Variants in MRTFB observed in about 807,000 individuals in gnomAD.
MRTFB encodes myocardin related transcription factor B.
MRTFB carries 29 observed loss-of-function variants against 104.2 expected under a neutral mutation model. The observed-to-expected ratio is 0.28, with a 90% CI of 0.21 to 0.38. The LOEUF (loss-of-function observed/expected upper bound fraction) is 0.38. MRTFB is among the 10% of genes least tolerant of loss of function. The pLI, the probability that MRTFB is intolerant of heterozygous loss-of-function variation, is 1.00. For missense variants in MRTFB, 1,270 were observed against 1,341.6 expected, an observed-to-expected ratio of 0.95 and a Z score of 0.83; for synonymous variants, 535 against 519.5, an observed-to-expected ratio of 1.03 and a Z score of -0.41.
chr16:14,254,314 A>G (rs1022323626), intron 15 of MRTFB, among the ~76,000 whole-genome samples: 2 of 152,266 alleles, frequency 1.3e-5, no homozygotes, highest in Non-Finnish European at 2.9e-5. Context: ...ACAAAAAGCA[A>G]CTACCTGAAC....
chr16:14,123,762 G>A (rs753085417), intron 2 of MRTFB, among the ~76,000 whole-genome samples: 23 of 152,148 alleles, frequency 1.5e-4, no homozygotes, highest in Non-Finnish European at 7.4e-5. Flanking sequence ...CTCCTTTTGG[G>A]TTCCATATGA....
intron 2 of MRTFB, among the ~76,000 whole-genome samples, chr16:14,104,462 T>A (rs2035867792): frequency 6.6e-6 from 1 of 152,182 alleles, no homozygotes; most frequent in Admixed American, 6.5e-5. Context: ...CATTTTACAC[T>A]CAGGCAGGAT....
At chr16:14,235,749 C>G (rs948092229) in intron 9 of MRTFB, among the ~76,000 whole-genome samples, 1 of 151,976 alleles carries the variant, frequency 6.6e-6, no homozygotes, top group African/African-American at 2.4e-5. Flanking sequence ...GTTTCTGTGC[C>G]CCTCCTCTAC....
intron 3 of MRTFB, among the ~76,000 whole-genome samples, chr16:14,207,193 C>T (rs1193417491): frequency 6.6e-6 from 1 of 152,150 alleles, no homozygotes; most frequent in Non-Finnish European, 1.5e-5. Context: ...GAGGTTCTTG[C>T]TTCTTGGGAA....
rs534218645 is a variant in MRTFB, at chr16:14,140,848, T to C, written c.154+88T>C. On this transcript the variant is annotated intron_variant, in intron 3 of 16. Coordinates refer to ENST00000571589, the MANE Select transcript of MRTFB (RefSeq NM_001308142.2). ...TTATTCCTGTTTGGTAGTAATATTT[T>C]GGTCAGTTCAGCAGTCTGTCATGGA... The C allele has an allele frequency of 2.1e-5, 32 of 1,536,000 alleles. No individual in the cohort carries two copies. In the African/African-American group the frequency reaches 3.0e-4, roughly 14 times the overall value.
At chr16:14,223,716 G>T (rs979187383) in intron 8 of MRTFB, among the ~76,000 whole-genome samples, 1 of 152,094 alleles carries the variant, frequency 6.6e-6, no homozygotes, top group Non-Finnish European at 1.5e-5. Context: ...AGACTTAAGA[G>T]ACTTATAGGA....
At chr16:14,147,787 G>A (rs2038394447) in intron 3 of MRTFB, among the ~76,000 whole-genome samples, 1 of 152,150 alleles carries the variant, frequency 6.6e-6, no homozygotes, top group African/African-American at 2.4e-5. Flanking sequence ...CTCATTTTGA[G>A]TAATTTATTT....
chr16:14,086,056 A>C (rs2034687217), intron 2 of MRTFB, among the ~76,000 whole-genome samples: 1 of 152,236 alleles, frequency 6.6e-6, no homozygotes. Context: ...ACAAAGCTAA[A>C]ATGGATGTCC....
At chr16:14,033,815 G>A in the MRTFB span, among the ~76,000 whole-genome samples, 1 of 139,942 alleles carries the variant, frequency 7.1e-6, no homozygotes, top group African/African-American at 2.7e-5. Flanking sequence ...CAGCCTGGGC[G>A]ACAGAGTGAG....
chr16:14,201,002 T>C lies in MRTFB; in HGVS notation c.155-9241T>C. 5.5e-6 allele frequency: 8 copies of C among 1,458,744 alleles called. No homozygotes were observed. The East Asian group carries it at 6.8e-5, about 12-fold the overall frequency. 90.4% of individuals were successfully genotyped at this position (1,458,744 alleles called of 1,614,324 possible). On this transcript the variant is annotated intron_variant, in intron 3 of 16. Coordinates refer to ENST00000571589, the MANE Select transcript of MRTFB (RefSeq NM_001308142.2). ...GAGAAAGCTTATGTGCTTTGTTACATTGGGGAACAACTGAAGAGATAAGTC... is the reference window on the plus strand; with the variant it reads ...GAGAAAGCTTATGTGCTTTGTTACACTGGGGAACAACTGAAGAGATAAGTC...
chr16:14,082,301 TC>T (rs2034458911), intron 2 of MRTFB, among the ~76,000 whole-genome samples: 1 of 152,228 alleles, frequency 6.6e-6, no homozygotes, highest in African/African-American at 2.4e-5. Context: ...GACTGTCCTT[TC>T]CCCATTGTTT....
At chr16:14,229,235 A>G (rs569123093) in intron 8 of MRTFB, among the ~76,000 whole-genome samples, 1 of 152,224 alleles carries the variant, frequency 6.6e-6, no homozygotes, top group African/African-American at 2.4e-5. Context: ...AAATGCTTAA[A>G]CTTATAGGAA....
At position 14,247,518 on chromosome 16, in the gene MRTFB, T is replaced by G. The variant is rs1262908157; in HGVS notation, c.2247+11T>G. The G allele has an allele frequency of 6.5e-7, 1 of 1,537,050 alleles. No homozygotes were observed. Among genetic ancestry groups the G allele is most frequent in the Non-Finnish European group, 8.7e-7 (1 of 1,146,434 alleles). On this transcript the variant is annotated intron_variant, in intron 12 of 16. Coordinates refer to ENST00000571589, the MANE Select transcript of MRTFB (RefSeq NM_001308142.2). ...AGCCTCAAACTCCAGGTGTGAAGTGTGTCTTCTAACTACTTTGCCTTACAG... is the reference window on the plus strand; with the variant it reads ...AGCCTCAAACTCCAGGTGTGAAGTGGGTCTTCTAACTACTTTGCCTTACAG...
chr16:14,083,296 T>C (rs2034515592), intron 2 of MRTFB, among the ~76,000 whole-genome samples: 1 of 152,216 alleles, frequency 6.6e-6, no homozygotes, highest in Non-Finnish European at 1.5e-5. Flanking sequence ...TCATGCCATC[T>C]GCAAACAGGA....
In MRTFB at chr16:14,248,129, G is replaced by C. The variant is rs571552430; in HGVS notation, c.2247+622G>C. ...TAGGAGTGAGGATGTAATTGAAAGA[G>C]ATGAGAAAACACTGATGAGCATGAA... On this transcript the variant is annotated intron_variant, in intron 12 of 16. Transcript: ENST00000571589. The C allele has an allele frequency of 2.0e-5, 3 of 152,776 alleles. No individual in the cohort carries two copies. In the South Asian group the frequency reaches 6.2e-4, roughly 32 times the overall value. The allele number at this position is 152,776 out of a possible 1,614,324, so 9.5% of individuals were successfully genotyped here. A position where few individuals can be genotyped will look rare whatever the true frequency, so the allele number is the denominator to read the frequency against.
At chr16:14,127,639 T>C (rs1279775656) in intron 2 of MRTFB, among the ~76,000 whole-genome samples, 1 of 139,520 alleles carries the variant, frequency 7.2e-6, no homozygotes, top group Admixed American at 7.3e-5. Flanking sequence ...CGAGACTCTG[T>C]CTCAAAAAAA....
chr16:14,165,591 T>A (rs2039204750), intron 3 of MRTFB, among the ~76,000 whole-genome samples: 1 of 152,204 alleles, frequency 6.6e-6, no homozygotes, highest in African/African-American at 2.4e-5. Context: ...TCTTGGGACT[T>A]GGTATTTTTG....
chr16:14,000,264 G>A, the MRTFB span, among the ~76,000 whole-genome samples: 1 of 152,222 alleles, frequency 6.6e-6, no homozygotes, highest in Admixed American at 6.5e-5. Flanking sequence ...GTCACCCCTT[G>A]GACTGCCCCT....
intron 2 of MRTFB, among the ~76,000 whole-genome samples, chr16:14,130,782 G>T (rs1188488691): frequency 2.0e-5 from 3 of 149,472 alleles, no homozygotes; most frequent in African/African-American, 7.7e-5. Context: ...GGAGGCCTCA[G>T]GAAACTTATA....
Sources: allele counts gnomAD v4.1 joint callset (sites outside exome capture counted in the v4.1 genomes callset), GRCh38; gene constraint gnomAD v4.1.1; transcripts MANE v1.5; gene names NCBI Gene and HGNC (gene_info 2026-07-23, HGNC 2026-07-21).